The following ZFHX3 variants were observed in gnomAD, a reference collection of about 807,000 sequenced individuals.
ZFHX3 encodes the protein zinc finger homeobox 3.
ZFHX3 carries 42 observed loss-of-function variants against 279.1 expected under a neutral mutation model. The ratio of observed to expected loss-of-function variants is 0.15; its 90% CI spans 0.12 to 0.19. The LOEUF is 0.19. ZFHX3 is among the 10% of genes least tolerant of loss of function. ZFHX3 has a pLI of 1.00. For synonymous variants in ZFHX3, 2,293 were observed against 1,957.8 expected, an observed-to-expected ratio of 1.17 and a Z score of -4.52; for missense variants, 4,981 against 4,754.0, an observed-to-expected ratio of 1.05 and a Z score of -1.40.
chr16:73,008,911 CGTGTGTGTGTGT>C (rs5817822), intron 1 of ZFHX3, among the ~76,000 whole-genome samples: 2 of 149,606 alleles, frequency 1.3e-5, no homozygotes, highest in African/African-American at 2.5e-5. Context: ...AAAGTATATA[CGTGTGTGTGTGT>C]GTGTGTGTGT....
intron 2 of ZFHX3, among the ~76,000 whole-genome samples, chr16:73,577,794 G>C (rs540470501): frequency 3.3e-5 from 5 of 152,176 alleles, no homozygotes; most frequent in Admixed American, 6.5e-5. Flanking sequence ...TTCCGCCATA[G>C]TTTTATAGTT....
intron 5 of ZFHX3, among the ~76,000 whole-genome samples, chr16:73,224,855 G>T (rs2012544173): frequency 6.6e-6 from 1 of 152,102 alleles, no homozygotes; most frequent in Admixed American, 6.5e-5. Context: ...TGCTTGGAAA[G>T]GCTGAATGGT....
intron 4 of ZFHX3, among the ~76,000 whole-genome samples, chr16:72,832,109 G>C (rs2037074399): frequency 6.6e-6 from 1 of 152,144 alleles, no homozygotes; most frequent in Non-Finnish European, 1.5e-5. Flanking sequence ...TGCAGTGTCT[G>C]AAGGTGCTGC....
At chr16:73,365,469 G>T (rs555861158) in intron 3 of ZFHX3, among the ~76,000 whole-genome samples, 29 of 152,250 alleles carry the variant, frequency 1.9e-4, no homozygotes, top group African/African-American at 6.7e-4. Flanking sequence ...CTAGCGATGG[G>T]GCTCAGCACC....
chr16:72,872,432 C>A (rs190902955), intron 4 of ZFHX3, among the ~76,000 whole-genome samples: 2 of 152,076 alleles, frequency 1.3e-5, no homozygotes, highest in African/African-American at 2.4e-5. Context: ...TAGGAGATTA[C>A]GAGAAAAATA....
At chr16:73,723,211 G>T (rs2053491209) in intron 1 of ZFHX3, among the ~76,000 whole-genome samples, 1 of 152,128 alleles carries the variant, frequency 6.6e-6, no homozygotes, top group South Asian at 2.1e-4. Flanking sequence ...GCTAAGGCTA[G>T]GAATACAGGT....
At chr16:73,080,821 T>A (rs974970487) in intron 8 of ZFHX3, among the ~76,000 whole-genome samples, 4 of 152,140 alleles carry the variant, frequency 2.6e-5, no homozygotes, top group Non-Finnish European at 4.4e-5. Context: ...CCTCAAGCAA[T>A]CCTCCCGCCT....
chr16:73,234,706 C>A (rs2012887581), intron 5 of ZFHX3, among the ~76,000 whole-genome samples: 1 of 152,182 alleles, frequency 6.6e-6, no homozygotes, highest in African/African-American at 2.4e-5. Flanking sequence ...CGAGAATGAA[C>A]TTTATCTTCC....
rs755734485 is a variant in ZFHX3 at position 72,794,705 on chromosome 16, C to T, written c.7977G>A (p.Lys2659=). Residue 2659 remains lysine, a synonymous_variant, in exon 9 of 10, where the codon AAG becomes AAA. Transcript: ENST00000268489. This position sits in a 1 kb window ranked among gnomAD's most constrained non-coding sequence, Gnocchi z 4.2. ...TPEQLEILYQ[K]YLLDSNPTRK... is the part of the protein sequence containing the mutation. ...GAGTCGGATTGGAATCCAGTAGATA[C>T]TTCTGGTAGAGAATTTCTAGTTGTT... is the stretch of plus-strand genomic sequence containing the variant. 41 of 1,614,120 alleles carry T rather than the reference C, an allele frequency of 2.5e-5. 1 individual carries two copies. In the South Asian group the frequency reaches 4.5e-4, roughly 18 times the overall value.
At chr16:73,540,809 G>T (rs367588738) in intron 2 of ZFHX3, among the ~76,000 whole-genome samples, 4 of 152,304 alleles carry the variant, frequency 2.6e-5, no homozygotes, top group East Asian at 3.9e-4. Context: ...CTCACGCAAA[G>T]CCATCAACCT....
chr16:73,056,098 A>G (rs1479862195), intron 1 of ZFHX3, among the ~76,000 whole-genome samples: 1 of 152,212 alleles, frequency 6.6e-6, no homozygotes, highest in African/African-American at 2.4e-5. Flanking sequence ...CTGCTGGCCT[A>G]GAGTAGGTTT....
chr16:73,618,603 G>C (rs1433463917), intron 2 of ZFHX3, among the ~76,000 whole-genome samples: 1 of 152,180 alleles, frequency 6.6e-6, no homozygotes, highest in African/African-American at 2.4e-5. Context: ...AAGACTCACA[G>C]GTGGATTTCA....
At chr16:72,871,383 C>T (rs911618164) in intron 4 of ZFHX3, among the ~76,000 whole-genome samples, 6 of 149,880 alleles carry the variant, frequency 4.0e-5, no homozygotes, top group African/African-American at 1.2e-4. Context: ...CACTCTGTTG[C>T]CAGGCTGGAG....
chr16:73,599,332 A>G (rs897602056), intron 2 of ZFHX3, among the ~76,000 whole-genome samples: 5 of 152,228 alleles, frequency 3.3e-5, no homozygotes, highest in Admixed American at 3.3e-4. Context: ...GCAAAGTCTT[A>G]TTACAATCTA....
chr16:73,843,873 C>T (rs1200776069), intron 1 of ZFHX3, among the ~76,000 whole-genome samples: 1 of 152,230 alleles, frequency 6.6e-6, no homozygotes, highest in Admixed American at 6.5e-5. Context: ...AGGGGCGTGG[C>T]TGTGTTTCAA....
chr16:73,537,930 A>G (rs2019936576), intron 2 of ZFHX3, among the ~76,000 whole-genome samples: 1 of 152,228 alleles, frequency 6.6e-6, no homozygotes, highest in South Asian at 2.1e-4. Context: ...TGAAAAGGCC[A>G]TTACTAAAAG....
intron 3 of ZFHX3, among the ~76,000 whole-genome samples, chr16:73,405,021 G>C (rs1475482165): frequency 1.3e-5 from 2 of 152,128 alleles, no homozygotes; most frequent in East Asian, 3.9e-4. Context: ...TCACTTCTGG[G>C]CATGAATGTG....
intron 7 of ZFHX3, among the ~76,000 whole-genome samples, chr16:73,105,364 T>TAC (rs757763881): frequency 1.6e-4 from 12 of 76,906 alleles, no homozygotes; most frequent in African/African-American, 5.0e-4. Context: ...CACATATATA[T>TAC]ACACACATAT....
At chr16:73,740,756 A>G (rs1471708282) in intron 1 of ZFHX3, among the ~76,000 whole-genome samples, 1 of 152,206 alleles carries the variant, frequency 6.6e-6, no homozygotes, top group Non-Finnish European at 1.5e-5. Context: ...GCCAAGCCCC[A>G]GATTCTCGAG....
Sources: allele counts gnomAD v4.1 joint callset (sites outside exome capture counted in the v4.1 genomes callset), GRCh38; gene constraint gnomAD v4.1.1; non-coding constraint Gnocchi (gnomAD v3.1); transcripts MANE v1.5; gene names NCBI Gene and HGNC (gene_info 2026-07-23, HGNC 2026-07-21).